LRP1B: variants seen among roughly 807,000 people sequenced by gnomAD.
The protein encoded by LRP1B is low-density lipoprotein receptor-related protein 1B.
In LRP1B, 217 loss-of-function variants were observed where a neutral mutation model predicts 556.6. The observed-to-expected ratio is 0.39, with a 90% CI of 0.35 to 0.44. The LOEUF is 0.44. LRP1B is among the 20% of genes least tolerant of loss of function. The pLI is 1.00. For missense variants in LRP1B, 5,053 were observed against 5,620.8 expected, an observed-to-expected ratio of 0.90 and a Z score of 3.23; for synonymous variants, 2,047 against 1,865.8, an observed-to-expected ratio of 1.10 and a Z score of -2.50.
rs186386660 is a variant in LRP1B at position 140,520,712 on chromosome 2, G to T, written c.8027-3701C>A. On this transcript the variant is annotated intron_variant, in intron 49 of 90. Coordinates refer to ENST00000389484, the MANE Select transcript of LRP1B (RefSeq NM_018557.3). ...TGTGAAAGACCTGCAGTGAGCTACA[G>T]TCAAATGCTCTAGAATTTAGGACAT... 9.9e-4 allele frequency among the ~76,000 whole-genome samples: 143 copies of T among 144,010 alleles called. 3 individuals carry two copies. The highest frequency in any genetic ancestry group is 3.1e-3 in the African/African-American group (121 of 39,040). 94.5% of individuals were successfully genotyped at this position (144,010 alleles called of 152,430 possible).
At chr2:141,741,273 T>A (rs1693693246) in intron 2 of LRP1B, among the ~76,000 whole-genome samples, 1 of 140,276 alleles carries the variant, frequency 7.1e-6, no homozygotes, top group African/African-American at 2.7e-5. Flanking sequence ...CTTTTTTTTT[T>A]TTTTTTTTTT....
rs140882374 is a variant in LRP1B at position 140,335,194 on chromosome 2, G to GTATA, written c.12116+417_12116+420dup. 2.6e-3 allele frequency among the ~76,000 whole-genome samples: 388 copies of GTATA among 151,068 alleles called. 4 individuals are homozygous for GTATA. The highest frequency in any genetic ancestry group is 0.025 in the East Asian group (128 of 5,098). On this transcript the variant is annotated intron_variant, in intron 78 of 90. Coordinates refer to ENST00000389484, the MANE Select transcript of LRP1B (RefSeq NM_018557.3). ...TAAATTTGTGTGTGTGTGTGCATGT[G>GTATA]TATATATATATGTGTGTGTGTGTGT... is the stretch of plus-strand genomic sequence containing the variant.
chr2:141,639,526 T>A (rs1190487498), intron 2 of LRP1B, among the ~76,000 whole-genome samples: 1 of 150,114 alleles, frequency 6.7e-6, no homozygotes, highest in African/African-American at 2.4e-5. Flanking sequence ...TAAAGCAAGT[T>A]TTTTTTGCAT....
intron 2 of LRP1B, among the ~76,000 whole-genome samples, chr2:141,516,692 C>CTCT: frequency 8.0e-6 from 1 of 124,588 alleles, no homozygotes; most frequent in Admixed American, 8.5e-5. Flanking sequence ...CTCTCTCTCT[C>CTCT]TTTTTTTTTT....
intron 6 of LRP1B, among the ~76,000 whole-genome samples, chr2:141,226,658 T>C (rs1158228050): frequency 6.6e-6 from 1 of 152,170 alleles, no homozygotes; most frequent in African/African-American, 2.4e-5. Flanking sequence ...ATCAGTTCAT[T>C]ATTTTTGCTT....
chr2:140,402,414 A>C (rs1255482032), intron 66 of LRP1B, among the ~76,000 whole-genome samples: 1 of 152,156 alleles, frequency 6.6e-6, no homozygotes, highest in Non-Finnish European at 1.5e-5. Context: ...GGCTTCTTCC[A>C]TGAGAGCTTT....
chr2:141,241,756 T>A (rs1007302476), intron 5 of LRP1B, among the ~76,000 whole-genome samples: 5 of 152,198 alleles, frequency 3.3e-5, no homozygotes, highest in African/African-American at 1.2e-4. Flanking sequence ...CCTAATTTCA[T>A]GCACGCATAC....
At chr2:140,417,495 A>T (rs1213721983) in intron 66 of LRP1B, among the ~76,000 whole-genome samples, 1 of 152,244 alleles carries the variant, frequency 6.6e-6, no homozygotes, top group African/African-American at 2.4e-5. Flanking sequence ...TAACAAGGCA[A>T]CAAGGCTTGT....
chr2:141,003,122 A>T (rs1697473400), intron 15 of LRP1B, among the ~76,000 whole-genome samples: 1 of 152,040 alleles, frequency 6.6e-6, no homozygotes, highest in African/African-American at 2.4e-5. Flanking sequence ...TAAAACACAT[A>T]AAAGGTCATA....
intron 1 of LRP1B, among the ~76,000 whole-genome samples, chr2:142,029,338 G>A (rs918492854): frequency 4.6e-5 from 7 of 151,898 alleles, no homozygotes; most frequent in Non-Finnish European, 8.8e-5. Context: ...TGGTGAGAAT[G>A]TGGAGCAGCT....
intron 2 of LRP1B, among the ~76,000 whole-genome samples, chr2:141,489,007 T>C (rs1160103106): frequency 1.3e-5 from 2 of 151,398 alleles, no homozygotes; most frequent in Non-Finnish European, 2.9e-5. Context: ...GACGGGGTCT[T>C]GTTCTATTGC....
At position 140,356,408 on chromosome 2, in the gene LRP1B, T is replaced by C. The variant is rs568164728; in HGVS notation, c.11464A>G (p.Lys3822Glu). The change falls in exon 75 of 91, where the codon AAA becomes GAA. Residue 3822 changes from lysine to glutamate, a missense_variant. By Grantham distance (56) the Lys-to-Glu change is moderately conservative. This residue lies in a region of LRP1B where 599 missense variants were observed against 648.4 expected (regional missense o/e 0.92). Transcript: ENST00000389484. ...CGDDAYCNQIKTSVFCRCKPG... is the reference protein window; with the variant it reads ...CGDDAYCNQIETSVFCRCKPG... Reference sequence around the variant, plus strand: ...TTACAGCGACAGAAAACAGATGTTTTTATTTGATTACAATATGCATCATCT... The same window carrying C: ...TTACAGCGACAGAAAACAGATGTTTCTATTTGATTACAATATGCATCATCT... The C allele has an allele frequency of 1.2e-6, 2 of 1,610,252 alleles. No individual in the cohort carries two copies. Among genetic ancestry groups the C allele is most frequent in the Admixed American group, 3.3e-5 (2 of 59,884 alleles).
At chr2:140,356,650 G>C (rs1484542488) in intron 74 of LRP1B, among the ~76,000 whole-genome samples, 174 bp from the exon 75 acceptor site, 3 of 151,764 alleles carry the variant, frequency 2.0e-5, no homozygotes, top group Admixed American at 6.6e-5. Context: ...ATGTATAGAA[G>C]TATAAAAACT....
chr2:141,918,364 T>C (rs1700094743), intron 1 of LRP1B, among the ~76,000 whole-genome samples: 1 of 152,142 alleles, frequency 6.6e-6, no homozygotes, highest in Admixed American at 6.6e-5. Flanking sequence ...AAAAAAACTT[T>C]TCAGATGTAA....
intron 2 of LRP1B, among the ~76,000 whole-genome samples, chr2:141,514,718 C>T (rs1333516800): frequency 6.6e-6 from 1 of 152,182 alleles, no homozygotes; most frequent in African/African-American, 2.4e-5. Context: ...CTTAACTTAG[C>T]CTCCTTTAAA....
intron 1 of LRP1B, among the ~76,000 whole-genome samples, chr2:141,950,792 G>A (rs1258827525): frequency 6.6e-6 from 1 of 151,988 alleles, no homozygotes; most frequent in Non-Finnish European, 1.5e-5. Flanking sequence ...ATTTCTAAGA[G>A]AAAATGAAGC....
chr2:141,837,472 T>A (rs1042398185), intron 1 of LRP1B, among the ~76,000 whole-genome samples: 1 of 152,028 alleles, frequency 6.6e-6, no homozygotes, highest in Non-Finnish European at 1.5e-5. Flanking sequence ...GAAGTTATGA[T>A]GAAAAAATCT....
At chr2:140,324,687 T>TCTAA (rs1175573419) in intron 80 of LRP1B, among the ~76,000 whole-genome samples, 1 of 152,020 alleles carries the variant, frequency 6.6e-6, no homozygotes, top group Non-Finnish European at 1.5e-5. Flanking sequence ...GAATAATTAT[T>TCTAA]CTAACTTTTG....
At chr2:141,161,829 T>C (rs1518801) in intron 7 of LRP1B, among the ~76,000 whole-genome samples, 101,556 of 151,878 alleles carry the variant, frequency 0.67, 34,394 homozygotes, top group Middle Eastern at 0.82. Flanking sequence ...AGCACCCACC[T>C]GTGTCTACCC....
Sources: allele counts gnomAD v4.1 joint callset (sites outside exome capture counted in the v4.1 genomes callset), GRCh38; gene constraint gnomAD v4.1.1; regional missense constraint gnomAD v4.1.1; transcripts MANE v1.5; gene names NCBI Gene and HGNC (gene_info 2026-07-23, HGNC 2026-07-21).